Variants in ANKRD55 observed in about 807,000 individuals in gnomAD.
ANKRD55 encodes the protein ankyrin repeat domain-containing protein 55.
Under a neutral mutation model 60.6 loss-of-function variants are expected in ANKRD55, and 41 were observed. The ratio of observed to expected loss-of-function variants is 0.68; its 90% confidence interval spans 0.53 to 0.88. The LOEUF (loss-of-function observed/expected upper bound fraction) is 0.88, where lower values mean the gene tolerates loss of function less well. Among genes scored for constraint, ANKRD55 ranks in the 40% least tolerant of loss-of-function variants. ANKRD55 has a pLI of 0.00. For missense variants in ANKRD55, 732 were observed against 767.6 expected, an observed-to-expected ratio of 0.95 and a Z score of 0.55; for synonymous variants, 264 against 290.3, an observed-to-expected ratio of 0.91 and a Z score of 0.92.
intron 2 of ANKRD55, among the ~76,000 whole-genome samples, chr5:56,217,989 GA>G (rs1240444833): frequency 6.6e-6 from 1 of 152,102 alleles, no homozygotes; most frequent in Non-Finnish European, 1.5e-5. Flanking sequence ...GAGGAGTTCA[GA>G]ACTTCAGTAG....
chr5:56,176,043 C>CT (rs2111822004), intron 4 of ANKRD55, 109 bp downstream of exon 4: 1 of 1,397,506 alleles, frequency 7.2e-7, no homozygotes, highest in Non-Finnish European at 9.8e-7. Flanking sequence ...GTTCCAGCTC[C>CT]TTTAGCCAGC....
intron 2 of ANKRD55, among the ~76,000 whole-genome samples, chr5:56,198,650 A>G (rs528763085): frequency 2.7e-4 from 41 of 152,056 alleles, no homozygotes; most frequent in African/African-American, 7.7e-4. Context: ...TCTCAAAAAC[A>G]AAAAAAACCA....
intron 3 of ANKRD55, among the ~76,000 whole-genome samples, chr5:56,177,690 G>C (rs1011456846): frequency 2.6e-4 from 40 of 152,062 alleles, no homozygotes; most frequent in African/African-American, 9.7e-4. Context: ...CAGGAGAATT[G>C]CTTGAACCCG....
rs990850726 is a variant in ANKRD55, at chr5:56,111,387, G to C, written c.1361C>G (p.Thr454Ser). ...AGCAGAGCTCAGGCCTGCATGGGAA[G>C]TGGCCCTATGGGAGGCTGTTAGGAA... Reference protein sequence around the residue: ...NNFLTASHRATSHAGLSSAPH... With the variant: ...NNFLTASHRASSHAGLSSAPH... The change falls in exon 10 of 12, where the codon ACT (threonine) becomes AGT (serine). Residue 454 changes from threonine to serine, a missense_variant. By Grantham distance (58) the Thr-to-Ser change is moderately conservative. Coordinates refer to ENST00000341048, the MANE Select transcript of ANKRD55 (RefSeq NM_024669.3). 6.2e-7 allele frequency: 1 copy of C among 1,614,194 alleles called. No homozygotes were observed. The highest frequency in any genetic ancestry group is 8.5e-7 in the Non-Finnish European group (1 of 1,180,052).
intron 3 of ANKRD55, among the ~76,000 whole-genome samples, chr5:56,181,334 C>G (rs948769638): frequency 2.0e-5 from 3 of 151,798 alleles, no homozygotes; most frequent in Admixed American, 2.0e-4. Context: ...AACCTTAGCT[C>G]TAGAGTTGTT....
chr5:56,170,887 T>A, intron 4 of ANKRD55, 84 bp from the exon 5 acceptor site: 1 of 1,277,262 alleles, frequency 7.8e-7, no homozygotes. Context: ...TTTTTTTCCC[T>A]TTCTCTGGTT....
intron 6 of ANKRD55, among the ~76,000 whole-genome samples, chr5:56,149,646 A>G (rs953435340): frequency 3.3e-5 from 5 of 152,214 alleles, no homozygotes; most frequent in Non-Finnish European, 5.9e-5. Context: ...TTTGTTGAAT[A>G]ATTAAAATAA....
At chr5:56,227,806 C>T (rs193746) in intron 2 of ANKRD55, among the ~76,000 whole-genome samples, 38,724 of 151,862 alleles carry the variant, frequency 0.25, 5,939 homozygotes, top group East Asian at 0.77. Flanking sequence ...ATATGTGAAG[C>T]TGATATGAGG....
rs144750605 is a variant in ANKRD55, at chr5:56,225,262, G to T, written c.58+7594C>A. 1.7e-4 allele frequency among the ~76,000 whole-genome samples: 26 copies of T among 152,222 alleles called. No individual in the cohort carries two copies. In the East Asian group the frequency reaches 4.2e-3, roughly 25 times the overall value. On this transcript the variant is annotated intron_variant, in intron 2 of 11. Transcript: ENST00000341048. ...TGATTATCTCAATAGATGCAGAAAA[G>T]GCTTTCGACAAAATTCAACAGCCCT...
At chr5:56,175,571 T>C (rs1758718401) in intron 4 of ANKRD55, among the ~76,000 whole-genome samples, 1 of 152,078 alleles carries the variant, frequency 6.6e-6, no homozygotes, top group Non-Finnish European at 1.5e-5. Context: ...TGAACTGAAA[T>C]CTCTACCGGT....
At chr5:56,169,936 G>A (rs1388362708) in intron 5 of ANKRD55, among the ~76,000 whole-genome samples, 3 of 152,190 alleles carry the variant, frequency 2.0e-5, no homozygotes, top group Non-Finnish European at 4.4e-5. Context: ...AATGGGGACC[G>A]AGGCCATGTA....
chr5:56,223,471 T>A lies in ANKRD55; in HGVS notation c.58+9385A>T, dbSNP rs370025875. Among the ~76,000 whole-genome samples the A allele has an allele frequency of 9.2e-4, 140 of 152,268 alleles. 3 individuals carry two copies. The Middle Eastern group carries it at 0.027, about 30-fold the overall frequency. On this transcript the variant is annotated intron_variant, in intron 2 of 11. Transcript: ENST00000341048. Reference sequence around the variant, plus strand: ...TAACAAGCAAAATAACCAGCTAACATCATAATGACAGGATCAAATTCACAC... The same window carrying A: ...TAACAAGCAAAATAACCAGCTAACAACATAATGACAGGATCAAATTCACAC...
At chr5:56,230,315 G>A (rs563271427) in intron 2 of ANKRD55, among the ~76,000 whole-genome samples, 3 of 152,104 alleles carry the variant, frequency 2.0e-5, no homozygotes, top group Non-Finnish European at 4.4e-5. Flanking sequence ...GGATGGTCTC[G>A]ATCTCTTGAC....
chr5:56,210,560 C>CAAAAAAAAA (rs59566826), intron 2 of ANKRD55, among the ~76,000 whole-genome samples: 1 of 65,180 alleles, frequency 1.5e-5, no homozygotes, highest in African/African-American at 5.1e-5. Context: ...GACTACGTCT[C>CAAAAAAAAA]AAAAAAAAAA....
intron 6 of ANKRD55, among the ~76,000 whole-genome samples, chr5:56,150,012 T>C (rs914919511): frequency 2.2e-4 from 34 of 152,238 alleles, no homozygotes; most frequent in African/African-American, 7.5e-4. Flanking sequence ...CGTTGAATTT[T>C]TGTATTTTTA....
intron 9 of ANKRD55, among the ~76,000 whole-genome samples, chr5:56,112,504 C>CAAAAAAAAAAAAAAAAAAAAAACAAAA (rs1187255213): frequency 3.9e-5 from 1 of 25,698 alleles, no homozygotes; most frequent in African/African-American, 1.8e-4. Context: ...TCATCTCTAG[C>CAAAAAAAAAAAAAAAAAAAAAACAAAA]AAAAAAAAAA....
At chr5:56,147,117 A>G (rs1367947855) in intron 6 of ANKRD55, among the ~76,000 whole-genome samples, 1 of 152,148 alleles carries the variant, frequency 6.6e-6, no homozygotes, top group African/African-American at 2.4e-5. Context: ...ACTTGGTGCC[A>G]AGAGCTTTGT....
At position 56,136,077 on chromosome 5, in the gene ANKRD55, T is replaced by TACA. The variant is rs1246955447; in HGVS notation, c.612+7723_612+7724insTGT. Among the ~76,000 whole-genome samples, 34 of 152,114 alleles carry TACA rather than the reference T, an allele frequency of 2.2e-4. 1 individual carries two copies. The highest frequency in any genetic ancestry group is 1.6e-3 in the Admixed American group (25 of 15,270). On this transcript the variant is annotated intron_variant, in intron 7 of 11. Transcript: ENST00000341048. ...TCAAAGAACTAAATAAATGGAGATCTTCATATGGTAAGGGTAAGAGCAAAA... is the reference window on the plus strand; with the variant it reads ...TCAAAGAACTAAATAAATGGAGATCTACATCATATGGTAAGGGTAAGAGCAAAA...
At chr5:56,127,751 T>A in intron 7 of ANKRD55, 1 of 184,080 alleles carries the variant, frequency 5.4e-6, no homozygotes, top group Non-Finnish European at 1.0e-5. Flanking sequence ...CATTATGCCT[T>A]AAGCACAGGG....
Sources: allele counts gnomAD v4.1 joint callset (sites outside exome capture counted in the v4.1 genomes callset), GRCh38; gene constraint gnomAD v4.1.1; transcripts MANE v1.5; gene names NCBI Gene and HGNC (gene_info 2026-07-23, HGNC 2026-07-21).